COL1A2: variants seen among roughly 807,000 people sequenced by gnomAD.
The protein encoded by COL1A2 is collagen alpha-2(I) chain.
COL1A2 carries 49 observed loss-of-function variants against 174.3 expected under a neutral mutation model. The observed-to-expected ratio is 0.28, with a 90% CI of 0.22 to 0.36. The LOEUF is 0.36. Among genes scored for constraint, COL1A2 ranks in the 10% least tolerant of loss-of-function variants. The pLI is 1.00. For synonymous variants in COL1A2, 655 were observed against 606.6 expected (o/e 1.08, Z -1.17); for missense variants, 1,438 against 1,822.7 (o/e 0.79, Z 3.84).
chr7:94,422,182 G>A, intron 39 of COL1A2: 1 of 406,288 alleles, frequency 2.5e-6, no homozygotes, highest in Non-Finnish European at 4.2e-6. Flanking sequence ...CCTTTCAGGG[G>A]CATGGTCTTT....
intron 42 of COL1A2, 104 bp downstream of exon 42, chr7:94,425,328 A>G: frequency 8.9e-7 from 1 of 1,119,206 alleles, no homozygotes; most frequent in Non-Finnish European, 1.3e-6. Context: ...TCTGAACAAG[A>G]TGGTCAGCTT....
intron 6 of COL1A2, among the ~76,000 whole-genome samples, chr7:94,402,231 A>T (rs1444626852): frequency 1.3e-5 from 2 of 152,154 alleles, no homozygotes; most frequent in Non-Finnish European, 2.9e-5. Context: ...CCACTCATTT[A>T]GTCAACAGAT....
intron 34 of COL1A2, among the ~76,000 whole-genome samples, chr7:94,419,960 CG>C (rs1481243723): frequency 6.6e-6 from 1 of 152,160 alleles, no homozygotes; most frequent in Non-Finnish European, 1.5e-5. Context: ...AGATCAGCCC[CG>C]TGTCCATCTA....
chr7:94,422,569 CT>C (rs1205194672), intron 39 of COL1A2: 12 of 167,058 alleles, frequency 7.2e-5, no homozygotes, highest in South Asian at 1.9e-4. Flanking sequence ...TATTGGCTTT[CT>C]TTAAAAAAAA....
chr7:94,426,336 T>A (rs1022865396), intron 45 of COL1A2, 87 bp from the exon 46 acceptor site: 1 of 1,237,084 alleles, frequency 8.1e-7, no homozygotes, highest in African/African-American at 1.5e-5. Context: ...GAGTTACCTT[T>A]GTAAACGAAT....
At chr7:94,397,833 G>A (rs1791613602) in intron 2 of COL1A2, 75 bp downstream of exon 2, 14 of 874,424 alleles carry the variant, frequency 1.6e-5, no homozygotes, top group Non-Finnish European at 2.6e-5. Flanking sequence ...CTCTTGGAAG[G>A]GAAGAAGTTA....
Position 94,404,601 on chromosome 7 carries a change from G to A in COL1A2, c.324+1G>A. On this transcript the variant is annotated splice_donor_variant, in intron 7 of 51. Coordinates refer to ENST00000297268, the MANE Select transcript of COL1A2 (RefSeq NM_000089.4). LOFTEE classifies it high-confidence loss of function. Reference sequence around the variant, plus strand: ...CCCACCTGGTGCAGCTGGAGCCCCAGTAAGTACTGAAAGCTTGTAATGCCT... The same window carrying A: ...CCCACCTGGTGCAGCTGGAGCCCCAATAAGTACTGAAAGCTTGTAATGCCT... 6.2e-7 allele frequency: 1 copy of A among 1,613,984 alleles called. No homozygotes were observed. Among genetic ancestry groups the A allele is most frequent in the Non-Finnish European group, 8.5e-7 (1 of 1,179,996 alleles).
intron 5 of COL1A2, 76 bp downstream of exon 5, chr7:94,400,364 C>T: frequency 8.1e-7 from 1 of 1,241,590 alleles, no homozygotes; most frequent in South Asian, 1.2e-5. Flanking sequence ...TTATTTTTAG[C>T]AGTTAAGGGA....
intron 25 of COL1A2, 123 bp downstream of exon 25, chr7:94,412,805 T>A (rs1173498964): frequency 3.5e-6 from 3 of 857,860 alleles, no homozygotes; most frequent in Non-Finnish European, 5.8e-6. Flanking sequence ...ACAGGAAAAC[T>A]GCAGGCCACT....
At chr7:94,413,454 G>A (rs1791974265) in intron 26 of COL1A2, among the ~76,000 whole-genome samples, 1 of 152,150 alleles carries the variant, frequency 6.6e-6, no homozygotes, top group Non-Finnish European at 1.5e-5. Context: ...CTTCGCTTGA[G>A]TCATATCAAA....
rs753460695 is a variant in COL1A2 at position 94,399,098 on chromosome 7, G to T, written c.132+14G>T. The stretch of plus-strand genomic sequence containing the variant: ...CGTGGAGAAAGGGTGTGTAATTTTT[G>T]AACTATAAAGGGCTTCGTCCCGTAT... On this transcript the variant is annotated intron_variant, in intron 4 of 51. Transcript: ENST00000297268. The T allele has an allele frequency of 1.2e-5, 19 of 1,612,888 alleles. No homozygotes were observed. The highest frequency in any genetic ancestry group is 2.7e-5 in the African/African-American group (2 of 74,966).
chr7:94,408,300 A>C (rs1457203206), intron 14 of COL1A2, 36 bp from the exon 15 acceptor site: 3 of 1,613,938 alleles, frequency 1.9e-6, no homozygotes, highest in Admixed American at 3.3e-5. Flanking sequence ...CTGTCATTTA[A>C]GTTTCCACCT....
Position 94,430,845 on chromosome 7 carries a change from CTTGTT to C in COL1A2, c.*463_*467del, listed in dbSNP as rs890537891. On this transcript the variant is annotated 3_prime_UTR_variant, in exon 52 of 52. Transcript: ENST00000297268. ...ACCTAGACAGAGATGAACTGAGGTC[CTTGTT>C]TTGTTTTGTTCATAATACAAAGGTG... 2.3e-5 allele frequency: 4 copies of C among 172,430 alleles called. No individual in the cohort carries two copies. Among genetic ancestry groups the C allele is most frequent in the African/African-American group, 9.6e-5 (4 of 41,490 alleles). The allele number at this position is 172,430 out of a possible 1,614,324, so 10.7% of individuals were successfully genotyped here. A position where few individuals can be genotyped will look rare whatever the true frequency, so the allele number is the denominator to read the frequency against.
chr7:94,399,344 G>A (rs996299671), intron 4 of COL1A2, among the ~76,000 whole-genome samples: 102 of 152,152 alleles, frequency 6.7e-4, no homozygotes, highest in African/African-American at 2.4e-3. Context: ...ATTTGTAATT[G>A]ACCCATCCAA....
At position 94,430,558 on chromosome 7, in the gene COL1A2, G is replaced by A. The variant is rs1792378374; in HGVS notation, c.*165G>A. The A allele has an allele frequency of 2.7e-6, 2 of 743,550 alleles. No individual in the cohort carries two copies. The highest frequency in any genetic ancestry group is 2.9e-5 in the Admixed American group (1 of 35,022). 46.1% of individuals were successfully genotyped at this position (743,550 alleles called of 1,614,324 possible). ...AAAAAGAAGGATTGATCAGAGCATTGTGCAATACAGTTTCATTAACTCCTT... is the reference window on the plus strand; with the variant it reads ...AAAAAGAAGGATTGATCAGAGCATTATGCAATACAGTTTCATTAACTCCTT... On this transcript the variant is annotated 3_prime_UTR_variant, in exon 52 of 52. Transcript: ENST00000297268.
chr7:94,417,484 C>G (rs752133175), intron 31 of COL1A2: 2 of 513,224 alleles, frequency 3.9e-6, no homozygotes, highest in South Asian at 4.0e-5. Context: ...AGGACTGAAG[C>G]AGGTTATAGA....
intron 24 of COL1A2, 50 bp downstream of exon 24, chr7:94,412,171 C>T: frequency 6.8e-7 from 1 of 1,473,908 alleles, no homozygotes. Flanking sequence ...TTATTGCACC[C>T]TTATCAAGTC....
intron 23 of COL1A2, 118 bp downstream of exon 23, chr7:94,411,272 C>G: frequency 1.2e-6 from 1 of 818,222 alleles, no homozygotes; most frequent in South Asian, 1.5e-5. Context: ...AGTAGTCTTG[C>G]TGACAGTTGC....
rs568762540 is a variant in COL1A2, at chr7:94,427,025, A to C, written c.3123A>C (p.Gln1041His). The C allele has an allele frequency of 1.2e-6, 2 of 1,613,796 alleles. No individual in the cohort carries two copies. The highest frequency in any genetic ancestry group is 2.7e-5 in the African/African-American group (2 of 74,970). Residue 1041 changes from glutamine to histidine, a missense_variant, in exon 47 of 52, where the codon CAA becomes CAC. Gln to His is a conservative substitution (Grantham distance 24, BLOSUM62 0). This residue lies in a region of COL1A2 where 867 missense variants were observed against 1,213.7 expected (regional missense o/e 0.71). Coordinates refer to ENST00000297268, the MANE Select transcript of COL1A2 (RefSeq NM_000089.4). ...LPGIAGHHGD[Q>H]GAPGSVGPAG... The stretch of plus-strand genomic sequence containing the variant: ...CTTTAAAGGGTCACCATGGTGATCA[A>C]GGTGCTCCTGGCTCCGTGGGTCCTG...
Sources: gnomAD v4.1 joint callset for allele counts (sites outside exome capture counted in the v4.1 genomes callset) on GRCh38, gnomAD v4.1.1 for gene constraint, gnomAD v4.1.1 regional missense constraint, MANE v1.5 for transcripts, NCBI Gene and HGNC (gene_info 2026-07-23, HGNC 2026-07-21) for gene names.